Variants in PLEKHA5 observed in about 807,000 individuals in gnomAD.
PLEKHA5 encodes pleckstrin homology domain containing A5.
A neutral mutation model predicts 181.9 loss-of-function variants in PLEKHA5; 55 were observed. The observed-to-expected ratio is 0.30, with a 90% CI of 0.24 to 0.38. PLEKHA5 has a LOEUF of 0.38. PLEKHA5 is among the 10% of genes least tolerant of loss of function. The pLI is 1.00. For synonymous variants in PLEKHA5, 535 were observed against 529.4 expected (o/e 1.01, Z -0.15); for missense variants, 1,432 against 1,549.5 (o/e 0.92, Z 1.27).
chr12:19,366,189 A>C (rs2153275622), intron 30 of PLEKHA5, 80 bp downstream of exon 30: 8 of 1,211,758 alleles, frequency 6.6e-6, no homozygotes, highest in South Asian at 4.0e-5. Context: ...GGAGATTCTA[A>C]GAAGGGAATC....
chr12:19,290,368 G>A (rs574664222), intron 13 of PLEKHA5, among the ~76,000 whole-genome samples: 1 of 152,264 alleles, frequency 6.6e-6, no homozygotes, highest in South Asian at 2.1e-4. Flanking sequence ...TAGCACTTAT[G>A]TACAAACCTT....
chr12:19,374,720 C>T (rs796888550), intron 31 of PLEKHA5, among the ~76,000 whole-genome samples: 3 of 151,376 alleles, frequency 2.0e-5, no homozygotes, highest in African/African-American at 4.9e-5. Context: ...TTTGGGAGGC[C>T]GAGGCGGGCG....
At chr12:19,214,429 C>T (rs1220967792) in intron 3 of PLEKHA5, among the ~76,000 whole-genome samples, 1 of 151,940 alleles carries the variant, frequency 6.6e-6, no homozygotes, top group African/African-American at 2.4e-5. Flanking sequence ...GTACAAATAG[C>T]CTTTTTGACT....
intron 3 of PLEKHA5, among the ~76,000 whole-genome samples, chr12:19,195,101 A>G (rs1028376467): frequency 6.6e-5 from 10 of 152,132 alleles, no homozygotes; most frequent in African/African-American, 1.9e-4. Flanking sequence ...TAGTAAGACT[A>G]TTCAGTAAAC....
chr12:19,331,629 C>A (rs925815372), intron 20 of PLEKHA5, among the ~76,000 whole-genome samples: 1 of 152,106 alleles, frequency 6.6e-6, no homozygotes, highest in African/African-American at 2.4e-5. Context: ...TTCACTTTCT[C>A]CCCCGCACAG....
chr12:19,260,504 G>A (rs1199019560), intron 6 of PLEKHA5, among the ~76,000 whole-genome samples: 3 of 152,086 alleles, frequency 2.0e-5, no homozygotes, highest in Non-Finnish European at 4.4e-5. Flanking sequence ...ATTTTTAATT[G>A]GCCTTTTAGA....
At chr12:19,165,629 A>G (rs2044173406) in intron 3 of PLEKHA5, among the ~76,000 whole-genome samples, 1 of 152,154 alleles carries the variant, frequency 6.6e-6, no homozygotes, top group East Asian at 1.9e-4. Context: ...CAGAAGAGTT[A>G]AACTAGAAAC....
chr12:19,219,095 T>C (rs1441156475), intron 3 of PLEKHA5, among the ~76,000 whole-genome samples: 1 of 152,106 alleles, frequency 6.6e-6, no homozygotes, highest in Admixed American at 6.6e-5. Context: ...GGATTTTTTT[T>C]CTAACCAAAA....
chr12:19,253,680 C>T (rs533369504), intron 3 of PLEKHA5, among the ~76,000 whole-genome samples: 3 of 151,748 alleles, frequency 2.0e-5, no homozygotes, highest in East Asian at 2.0e-4. Context: ...TAACTGGGCG[C>T]GTGATGGTGG....
At chr12:19,321,531 C>A (rs1192952068) in intron 18 of PLEKHA5, 1 of 93,112 alleles carries the variant, frequency 1.1e-5, no homozygotes. Flanking sequence ...GCCCAGCTAA[C>A]TTTTTGTATT....
intron 31 of PLEKHA5, 75 bp from the exon 32 acceptor site, chr12:19,375,456 C>A (rs1168547407): frequency 1.3e-5 from 2 of 152,286 alleles, no homozygotes; most frequent in East Asian, 1.9e-4. Flanking sequence ...AGAATGTCAC[C>A]CTTAGTTACT....
chr12:19,361,694 A>C lies in PLEKHA5; in HGVS notation c.3596A>C (p.Asp1199Ala), dbSNP rs938415376. The C allele has an allele frequency of 1.9e-6, 3 of 1,595,682 alleles. No individual in the cohort carries two copies. In the African/African-American group the frequency reaches 4.1e-5, roughly 22 times the overall value. Residue 1199 changes from aspartate (D) to alanine (A), a missense_variant, in exon 29 of 32, where the codon GAT becomes GCT. This residue lies in a region of PLEKHA5 where 1,143 missense variants were observed against 1,168.4 expected (regional missense o/e 0.98). Coordinates refer to ENST00000429027, the MANE Select transcript of PLEKHA5 (RefSeq NM_001256470.2). ...KERNKDKMPEDVTFSPQDETQ... is the reference protein window; with the variant it reads ...KERNKDKMPEAVTFSPQDETQ... The stretch of plus-strand genomic sequence containing the variant: ...AGAAACAAAGACAAAATGCCTGAGG[A>C]TGTTACATTCAGGTAATATTTAAGA...
chr12:19,130,506 G>A lies in PLEKHA5; in HGVS notation c.169+376G>A, dbSNP rs996678408. ...ACTCACTCCCCGGTGACCCCCAGCT[G>A]CCGTCTTGCCCCCCAGCAATCTTCA... On this transcript the variant is annotated intron_variant, in intron 2 of 31. Coordinates refer to ENST00000429027, the MANE Select transcript of PLEKHA5 (RefSeq NM_001256470.2). This position sits in a 1 kb window ranked among gnomAD's most constrained non-coding sequence, Gnocchi z 4.5. Among the ~76,000 whole-genome samples the A allele has an allele frequency of 6.6e-6, 1 of 151,504 alleles. No homozygotes were observed. Among genetic ancestry groups the A allele is most frequent in the South Asian group, 2.1e-4 (1 of 4,786 alleles).
chr12:19,147,919 T>TA (rs2039354071), intron 3 of PLEKHA5, among the ~76,000 whole-genome samples: 1 of 152,162 alleles, frequency 6.6e-6, no homozygotes, highest in Non-Finnish European at 1.5e-5. Context: ...TATTTTTTTT[T>TA]AGAGATGGGG....
chr12:19,131,143 G>T (rs2033687700), intron 2 of PLEKHA5, among the ~76,000 whole-genome samples: 1 of 152,208 alleles, frequency 6.6e-6, no homozygotes, highest in Admixed American at 6.5e-5. Context: ...CTGGTGATTG[G>T]AAAGGCTTGA....
chr12:19,363,618 A>G lies in PLEKHA5; in HGVS notation c.3608+1912A>G, dbSNP rs574972550. Among the ~76,000 whole-genome samples the G allele has an allele frequency of 5.3e-4, 80 of 151,658 alleles. No homozygotes were observed. In the South Asian group the frequency reaches 0.016, roughly 30 times the overall value. ...GCGATTCTCCTGCCTCAGCCTCCCA[A>G]GTAGCTGGGATTACAAGCGTGTGCC... On this transcript the variant is annotated intron_variant, in intron 29 of 31. Transcript: ENST00000429027.
chr12:19,286,358 C>T (rs1235363904), intron 12 of PLEKHA5, among the ~76,000 whole-genome samples: 3 of 152,132 alleles, frequency 2.0e-5, no homozygotes, highest in Non-Finnish European at 4.4e-5. Flanking sequence ...TGTAACTAAC[C>T]TTTAAAAAAT....
intron 3 of PLEKHA5, among the ~76,000 whole-genome samples, chr12:19,172,334 G>A (rs1028224051): frequency 3.9e-5 from 6 of 152,032 alleles, no homozygotes; most frequent in African/African-American, 9.7e-5. Flanking sequence ...TATGCTGTCT[G>A]TTGTTGACCA....
At chr12:19,302,964 C>T (rs932276121) in intron 15 of PLEKHA5, among the ~76,000 whole-genome samples, 6 of 119,840 alleles carry the variant, frequency 5.0e-5, no homozygotes, top group African/African-American at 1.9e-4. Flanking sequence ...CTCTGTTGCC[C>T]GGACTGGAGT....
Sources: gnomAD v4.1 joint callset for allele counts (sites outside exome capture counted in the v4.1 genomes callset) on GRCh38, gnomAD v4.1.1 for gene constraint, gnomAD v4.1.1 regional missense constraint, Gnocchi (gnomAD v3.1) non-coding constraint, MANE v1.5 for transcripts, NCBI Gene and HGNC (gene_info 2026-07-23, HGNC 2026-07-21) for gene names.